COL14A1: variants seen among roughly 807,000 people sequenced by gnomAD.
The protein encoded by COL14A1 is collagen alpha-1(XIV) chain.
Under a neutral mutation model 230.3 loss-of-function variants are expected in COL14A1, and 136 were observed. The ratio of observed to expected loss-of-function variants is 0.59; its 90% CI spans 0.51 to 0.68. The LOEUF (loss-of-function observed/expected upper bound fraction) is 0.68. Ranked by LOEUF, COL14A1 falls within the 30% of genes least tolerant of loss-of-function variation. COL14A1 has a pLI of 0.00. For missense variants in COL14A1, 1,976 were observed against 2,215.8 expected (o/e 0.89, Z 2.17); for synonymous variants, 792 against 784.1 (o/e 1.01, Z -0.17).
intron 45 of COL14A1, among the ~76,000 whole-genome samples, chr8:120,350,958 C>T (rs970111557): frequency 6.6e-6 from 1 of 150,748 alleles, no homozygotes; most frequent in Non-Finnish European, 1.5e-5. Flanking sequence ...CACACCACAC[C>T]TATTCCAAAA....
rs893217367 is a variant in COL14A1 at position 120,210,743 on chromosome 8, T to G, written c.1467+842T>G. On this transcript the variant is annotated intron_variant, in intron 12 of 47. Transcript: ENST00000297848. ...AATAAGCAAAGCAATTCAGAGAACT[T>G]GATTGTCTAAAATTGTGTAAAGCCT... Among the ~76,000 whole-genome samples the G allele has an allele frequency of 2.6e-5, 4 of 152,074 alleles. 1 individual carries two copies. The highest frequency in any genetic ancestry group is 1.3e-4 in the Admixed American group (2 of 15,258).
At chr8:120,201,579 T>A (rs1322460643) in intron 8 of COL14A1, among the ~76,000 whole-genome samples, 1 of 152,154 alleles carries the variant, frequency 6.6e-6, no homozygotes, top group African/African-American at 2.4e-5. Context: ...TAAAGATAAA[T>A]GTGAAGTTGG....
intron 5 of COL14A1, among the ~76,000 whole-genome samples, chr8:120,180,635 C>T (rs1453558383): frequency 6.6e-6 from 1 of 152,068 alleles, no homozygotes; most frequent in Non-Finnish European, 1.5e-5. Context: ...AATGAAGTCC[C>T]CCCCAGAGTT....
Position 120,262,866 on chromosome 8 carries a change from A to T in COL14A1, c.2870-2A>T. On this transcript the variant is annotated splice_acceptor_variant, in intron 23 of 47. Coordinates refer to ENST00000297848, the MANE Select transcript of COL14A1 (RefSeq NM_021110.4). LOFTEE classifies it high-confidence loss of function. ...TTTTGTTTTGTTTTGTTTTTATTATAGATAGGCAAAAGCAAGAATCCACTG... is the reference window on the plus strand; with the variant it reads ...TTTTGTTTTGTTTTGTTTTTATTATTGATAGGCAAAAGCAAGAATCCACTG... The T allele has an allele frequency of 6.3e-7, 1 of 1,599,952 alleles. No individual in the cohort carries two copies. Among genetic ancestry groups the T allele is most frequent in the South Asian group, 1.1e-5 (1 of 87,826 alleles).
At chr8:120,277,344 A>T (rs1275536457) in intron 26 of COL14A1, 1 of 152,130 alleles carries the variant, frequency 6.6e-6, no homozygotes, top group African/African-American at 2.4e-5. Flanking sequence ...TGATTTTCGG[A>T]CATTTGTCAA....
chr8:120,124,496 C>G (rs142756932), upstream of COL14A1, among the ~76,000 whole-genome samples: 73 of 152,300 alleles, frequency 4.8e-4, no homozygotes, highest in East Asian at 5.0e-3. Flanking sequence ...TGAGGTACAA[C>G]CACACGAAAT....
At chr8:120,348,307 A>G (rs1162244274) in intron 45 of COL14A1, among the ~76,000 whole-genome samples, 2 of 133,026 alleles carry the variant, frequency 1.5e-5, no homozygotes, top group Non-Finnish European at 3.3e-5. Context: ...TATATAAAGC[A>G]TATATATATA....
chr8:120,354,786 G>A (rs1822918634), intron 45 of COL14A1, among the ~76,000 whole-genome samples: 2 of 152,130 alleles, frequency 1.3e-5, no homozygotes, highest in African/African-American at 4.8e-5. Flanking sequence ...ATCCCACTTA[G>A]ATTTTTCTAA....
chr8:120,189,039 C>G (rs1428984903), intron 5 of COL14A1, among the ~76,000 whole-genome samples: 2 of 152,198 alleles, frequency 1.3e-5, no homozygotes, highest in Non-Finnish European at 2.9e-5. Flanking sequence ...AGTTTTGAAT[C>G]TGGGCTCCTG....
At chr8:120,200,067 AG>A (rs1817184371) in intron 8 of COL14A1, among the ~76,000 whole-genome samples, 3 of 151,452 alleles carry the variant, frequency 2.0e-5, no homozygotes, top group Admixed American at 6.6e-5. Context: ...ATATATAGAT[AG>A]CATACATTCA....
chr8:120,322,796 C>T (rs1348884088), intron 40 of COL14A1, among the ~76,000 whole-genome samples: 1 of 152,008 alleles, frequency 6.6e-6, no homozygotes, highest in Non-Finnish European at 1.5e-5. Flanking sequence ...TCCAGTCTAT[C>T]ATTGATGGGC....
At chr8:120,183,820 G>A (rs1816556503) in intron 5 of COL14A1, among the ~76,000 whole-genome samples, 2 of 152,100 alleles carry the variant, frequency 1.3e-5, no homozygotes, top group African/African-American at 4.8e-5. Context: ...TAATTGCAAG[G>A]CTTGTCCATA....
chr8:120,228,869 G>T (rs890594140), intron 18 of COL14A1, 100 bp downstream of exon 18: 4 of 1,038,092 alleles, frequency 3.9e-6, no homozygotes, highest in South Asian at 1.4e-5. Flanking sequence ...GAAAAGAGAT[G>T]ACCCTCCCTT....
At chr8:120,149,421 A>G (rs930169127) in intron 2 of COL14A1, among the ~76,000 whole-genome samples, 2 of 152,148 alleles carry the variant, frequency 1.3e-5, no homozygotes, top group African/African-American at 4.8e-5. Flanking sequence ...CATTCTGCTT[A>G]TGTTATTTAT....
intron 8 of COL14A1, 115 bp from the exon 9 acceptor site, chr8:120,203,594 G>A: frequency 2.7e-6 from 2 of 729,082 alleles, no homozygotes; most frequent in Non-Finnish European, 4.3e-6. Flanking sequence ...ACAAGTAGCA[G>A]ATGATGCTTT....
intron 5 of COL14A1, among the ~76,000 whole-genome samples, chr8:120,176,600 T>G (rs564015263): frequency 6.6e-6 from 1 of 152,224 alleles, no homozygotes; most frequent in South Asian, 2.1e-4. Flanking sequence ...GGGTTTTAAT[T>G]TCCATTAGGT....
intron 27 of COL14A1, 66 bp from the exon 28 acceptor site, chr8:120,278,369 C>G (rs1348399621): frequency 5.9e-5 from 93 of 1,565,148 alleles, no homozygotes; most frequent in Non-Finnish European, 6.0e-5. Flanking sequence ...TGTTCCCACC[C>G]TTTCTTCTCC....
intron 14 of COL14A1, among the ~76,000 whole-genome samples, chr8:120,222,798 G>T (rs1817971726): frequency 6.6e-6 from 1 of 152,088 alleles, no homozygotes; most frequent in Non-Finnish European, 1.5e-5. Context: ...ACATACAGTG[G>T]TGAAGAAACT....
At chr8:120,300,690 A>G in intron 35 of COL14A1, 42 bp from the exon 36 acceptor site, 1 of 1,475,366 alleles carries the variant, frequency 6.8e-7, no homozygotes, top group Non-Finnish European at 9.4e-7. Flanking sequence ...CATTTGTATA[A>G]ACTGGCATGC....
Sources: allele counts gnomAD v4.1 joint callset (sites outside exome capture counted in the v4.1 genomes callset), GRCh38; gene constraint gnomAD v4.1.1; transcripts MANE v1.5; gene names NCBI Gene and HGNC (gene_info 2026-07-23, HGNC 2026-07-21).